The following ERC1 variants were observed in gnomAD, a reference collection of about 807,000 sequenced individuals.
ERC1 encodes the protein RAB6 interacting protein 2.
ERC1 carries 56 observed loss-of-function variants against 132.0 expected under a neutral mutation model. That is an observed-to-expected ratio of 0.42 (90% CI 0.34 to 0.53). The LOEUF is 0.53. Ranked by LOEUF, ERC1 falls within the 20% of genes least tolerant of loss-of-function variation. The pLI is 0.03. For missense variants in ERC1, 1,202 were observed against 1,349.9 expected (o/e 0.89, Z 1.72); for synonymous variants, 478 against 476.1 (o/e 1.00, Z -0.05).
intron 2 of ERC1, among the ~76,000 whole-genome samples, chr12:1,037,111 G>A (rs1216195310): frequency 1.3e-5 from 2 of 152,178 alleles, no homozygotes; most frequent in Non-Finnish European, 2.9e-5. Flanking sequence ...ATGTAGTGAA[G>A]TATGAAAAAT....
intron 15 of ERC1, among the ~76,000 whole-genome samples, chr12:1,326,353 C>T (rs78203809): frequency 6.6e-6 from 1 of 152,140 alleles, no homozygotes; most frequent in East Asian, 1.9e-4. Flanking sequence ...TTTTGCTTAT[C>T]AAGTGATAAC....
chr12:1,349,549 A>G (rs2084801779), intron 15 of ERC1, among the ~76,000 whole-genome samples: 1 of 151,852 alleles, frequency 6.6e-6, no homozygotes, highest in African/African-American at 2.4e-5. Flanking sequence ...CTGTAGTCCC[A>G]GCTACTCGGG....
Position 1,037,739 on chromosome 12 carries a change from G to A in ERC1, c.669+9167G>A, listed in dbSNP as rs530991904. On this transcript the variant is annotated intron_variant, in intron 2 of 18. Transcript: ENST00000360905. Reference sequence around the variant, plus strand: ...TTAAATTTTGGCTGCAAGGAGGAATGGATTTTTGAAAAAAGCTATATCCGG... The same window carrying A: ...TTAAATTTTGGCTGCAAGGAGGAATAGATTTTTGAAAAAAGCTATATCCGG... Among the ~76,000 whole-genome samples the A allele has an allele frequency of 2.5e-4, 38 of 152,160 alleles. 1 individual carries two copies. The South Asian group carries it at 7.5e-3, about 30-fold the overall frequency.
intron 16 of ERC1, among the ~76,000 whole-genome samples, 164 bp downstream of exon 16, chr12:1,372,141 CTG>C (rs1300936277): frequency 6.6e-6 from 1 of 152,180 alleles, no homozygotes. Context: ...CTCCGCAAAT[CTG>C]TGTCTAGGAA....
intron 7 of ERC1, among the ~76,000 whole-genome samples, chr12:1,122,865 T>G (rs542272163): frequency 6.6e-6 from 1 of 152,166 alleles, no homozygotes; most frequent in African/African-American, 2.4e-5. Context: ...TGGTATGATA[T>G]TCAAGTCTGC....
intron 7 of ERC1, among the ~76,000 whole-genome samples, chr12:1,120,813 G>A (rs1373015043): frequency 6.6e-6 from 1 of 151,608 alleles, no homozygotes. Flanking sequence ...TCTTTTTTTC[G>A]GAGGTGCTCA....
At chr12:1,437,732 T>C (rs2092988304) in intron 17 of ERC1, among the ~76,000 whole-genome samples, 1 of 152,242 alleles carries the variant, frequency 6.6e-6, no homozygotes. Context: ...TTTCTCTTCA[T>C]ACCTGAATCC....
chr12:1,383,257 A>C (rs1284993968), intron 16 of ERC1, among the ~76,000 whole-genome samples: 3 of 152,052 alleles, frequency 2.0e-5, no homozygotes, highest in Admixed American at 2.0e-4. Flanking sequence ...TTCTGTGTCC[A>C]TCAGGTGGTG....
chr12:1,291,087 A>G (rs549752984), intron 15 of ERC1, among the ~76,000 whole-genome samples: 36 of 152,364 alleles, frequency 2.4e-4, no homozygotes, highest in African/African-American at 8.2e-4. Flanking sequence ...AGAGCTGTAC[A>G]GAATCTTGCC....
At chr12:1,029,128 C>T (rs9668819) in intron 2 of ERC1, among the ~76,000 whole-genome samples, 302 of 152,078 alleles carry the variant, frequency 2.0e-3, no homozygotes, top group African/African-American at 6.5e-3. Flanking sequence ...CCGAGGTGGG[C>T]GGATCATTGA....
rs190961318 is a variant in ERC1, at chr12:1,124,374, A to G, written c.1569+8341A>G. 2.8e-4 allele frequency among the ~76,000 whole-genome samples: 42 copies of G among 152,318 alleles called. 1 individual carries two copies. The East Asian group carries it at 7.9e-3, about 29-fold the overall frequency. On this transcript the variant is annotated intron_variant, in intron 7 of 18. Transcript: ENST00000360905. ...AGCAGCAGAAAACCAAAATAAGTAT[A>G]TAATCTTGAAACATACTACCAAAAT...
intron 8 of ERC1, among the ~76,000 whole-genome samples, chr12:1,169,481 C>G (rs948192743): frequency 2.0e-5 from 3 of 152,168 alleles, no homozygotes; most frequent in African/African-American, 7.2e-5. Context: ...GAATCGCTCC[C>G]TCTGTACAAT....
intron 15 of ERC1, among the ~76,000 whole-genome samples, chr12:1,345,040 T>G (rs889773564): frequency 6.6e-6 from 1 of 152,180 alleles, no homozygotes. Flanking sequence ...AAATAATCAT[T>G]ATTTGTAGTA....
At chr12:1,260,955 T>A (rs1441922647) in intron 13 of ERC1, among the ~76,000 whole-genome samples, 1 of 152,234 alleles carries the variant, frequency 6.6e-6, no homozygotes, top group Admixed American at 6.5e-5. Flanking sequence ...AAATCTTTTT[T>A]AAATAAGGCT....
At chr12:1,293,182 C>T (rs2079590895) in intron 15 of ERC1, among the ~76,000 whole-genome samples, 1 of 140,340 alleles carries the variant, frequency 7.1e-6, no homozygotes, top group South Asian at 2.3e-4. Context: ...TGGCTGGGCA[C>T]GGTGGCTCAT....
intron 16 of ERC1, among the ~76,000 whole-genome samples, chr12:1,374,824 A>ATTTTTTTTTTTTTTTTTT (rs5795968): frequency 8.0e-6 from 1 of 124,580 alleles, no homozygotes; most frequent in Non-Finnish European, 1.7e-5. Flanking sequence ...ACAGGCTGGG[A>ATTTTTTTTTTTTTTTTTT]TTTTTTTTTT....
chr12:1,093,966 T>TATATATAC, intron 3 of ERC1, among the ~76,000 whole-genome samples: 1 of 127,920 alleles, frequency 7.8e-6, no homozygotes, highest in Non-Finnish European at 1.7e-5. Flanking sequence ...TCTATATATA[T>TATATATAC]ATATATATAT....
chr12:1,028,664 T>C (rs1429335446), intron 2 of ERC1, 92 bp downstream of exon 2: 1 of 995,976 alleles, frequency 1.0e-6, no homozygotes, highest in Non-Finnish European at 1.5e-6. Context: ...TTTCCCTTCG[T>C]AGTATATGTA....
chr12:1,229,817 T>C (rs776264827), intron 12 of ERC1, among the ~76,000 whole-genome samples: 6 of 152,056 alleles, frequency 3.9e-5, no homozygotes, highest in Non-Finnish European at 8.8e-5. Context: ...ATTTCCTTAC[T>C]TTAGCTAACT....
Sources: gnomAD v4.1 joint callset for allele counts (sites outside exome capture counted in the v4.1 genomes callset) on GRCh38, gnomAD v4.1.1 for gene constraint, MANE v1.5 for transcripts, NCBI Gene and HGNC (gene_info 2026-07-23, HGNC 2026-07-21) for gene names.